Variants in FSTL5 observed in about 807,000 individuals in gnomAD.
FSTL5 encodes follistatin like 5, also known as follistatin-related protein 5.
A neutral mutation model predicts 89.1 loss-of-function variants in FSTL5; 62 were observed. The observed-to-expected ratio is 0.70, with a 90% CI of 0.57 to 0.86. The LOEUF (loss-of-function observed/expected upper bound fraction) is 0.86, where lower values mean the gene tolerates loss of function less well. Among genes scored for constraint, FSTL5 ranks in the 40% least tolerant of loss-of-function variants. The pLI, the probability that FSTL5 is intolerant of heterozygous loss-of-function variation, is 0.00. For missense variants in FSTL5, 1,057 were observed against 1,001.6 expected (o/e 1.06, Z -0.75); for synonymous variants, 383 against 346.2 (o/e 1.11, Z -1.18).
chr4:161,757,093 G>A (rs1304405654), intron 6 of FSTL5, among the ~76,000 whole-genome samples: 1 of 151,996 alleles, frequency 6.6e-6, no homozygotes, highest in Admixed American at 6.6e-5. Flanking sequence ...TAATGCAGTT[G>A]GGCCAGGTTT....
At chr4:161,925,692 A>G (rs1020638641) in intron 3 of FSTL5, among the ~76,000 whole-genome samples, 1 of 151,874 alleles carries the variant, frequency 6.6e-6, no homozygotes, top group Non-Finnish European at 1.5e-5. Context: ...TGTATTCATT[A>G]CTGTTATTAA....
At chr4:161,547,665 G>A (rs1156348928) in intron 8 of FSTL5, among the ~76,000 whole-genome samples, 4 of 151,868 alleles carry the variant, frequency 2.6e-5, no homozygotes, top group Admixed American at 1.3e-4. Context: ...CATATTAACA[G>A]TTTAAAGAAG....
intron 2 of FSTL5, among the ~76,000 whole-genome samples, chr4:162,063,384 C>G (rs913130910): frequency 6.6e-6 from 1 of 151,700 alleles, no homozygotes; most frequent in African/African-American, 2.4e-5. Context: ...AACAGTGATT[C>G]GATTTTAATT....
chr4:162,127,169 C>G (rs1318443179), intron 1 of FSTL5, among the ~76,000 whole-genome samples: 2 of 152,184 alleles, frequency 1.3e-5, no homozygotes, highest in African/African-American at 2.4e-5. Flanking sequence ...CCCATTTTCC[C>G]CAAAGAGCTA....
intron 5 of FSTL5, among the ~76,000 whole-genome samples, chr4:161,771,237 TTATCTC>T (rs907138506): frequency 2.0e-5 from 3 of 152,188 alleles, no homozygotes; most frequent in South Asian, 2.1e-4. Context: ...TGCCTTCCCT[TTATCTC>T]TATTATAATC....
chr4:161,386,932 G>A (rs1730670455), intron 15 of FSTL5: 1 of 155,426 alleles, frequency 6.4e-6, no homozygotes, highest in South Asian at 1.9e-4. Flanking sequence ...ATAAATTTAA[G>A]TATAACATTT....
chr4:161,405,704 C>T (rs986550616), intron 15 of FSTL5, among the ~76,000 whole-genome samples: 2 of 151,992 alleles, frequency 1.3e-5, no homozygotes, highest in African/African-American at 4.8e-5. Context: ...TTTAAACATT[C>T]CAAGAAGAAT....
intron 2 of FSTL5, among the ~76,000 whole-genome samples, chr4:162,095,400 C>A (rs1730711046): frequency 6.6e-6 from 1 of 152,108 alleles, no homozygotes; most frequent in African/African-American, 2.4e-5. Flanking sequence ...TGGATTTCCA[C>A]AGAAGCATAA....
At chr4:161,911,627 G>A (rs527988589) in intron 4 of FSTL5, among the ~76,000 whole-genome samples, 1 of 152,286 alleles carries the variant, frequency 6.6e-6, no homozygotes, top group Non-Finnish European at 1.5e-5. Flanking sequence ...TAGAGCTTCT[G>A]CTGACCACAT....
At chr4:161,519,890 G>A (rs1730966766) in intron 10 of FSTL5, among the ~76,000 whole-genome samples, 1 of 152,034 alleles carries the variant, frequency 6.6e-6, no homozygotes, top group South Asian at 2.1e-4. Context: ...ATACCATAGG[G>A]AGAAGACAAT....
At chr4:161,868,326 A>G (rs1814060) in intron 4 of FSTL5, among the ~76,000 whole-genome samples, 6,012 of 152,202 alleles carry the variant, frequency 0.04, 189 homozygotes, top group East Asian at 0.15. Flanking sequence ...CTAATCAAAT[A>G]GCCAAGACAA....
At chr4:161,837,688 G>A (rs1397059986) in intron 4 of FSTL5, among the ~76,000 whole-genome samples, 1 of 152,002 alleles carries the variant, frequency 6.6e-6, no homozygotes, top group Admixed American at 6.6e-5. Context: ...TCCAATTATA[G>A]AAGAAACCCT....
At chr4:162,057,437 C>A (rs1270162658) in intron 2 of FSTL5, among the ~76,000 whole-genome samples, 1 of 152,226 alleles carries the variant, frequency 6.6e-6, no homozygotes, top group Middle Eastern at 3.4e-3. Flanking sequence ...GGTATTTTAA[C>A]AGATTTAAGA....
chr4:162,111,223 G>T, intron 2 of FSTL5, 48 bp downstream of exon 2: 1 of 1,449,480 alleles, frequency 6.9e-7, no homozygotes, highest in Non-Finnish European at 9.3e-7. Flanking sequence ...TAATAGCTTA[G>T]TTTATAATTG....
rs118165531 is a variant in FSTL5, at chr4:161,696,913, T to C, written c.728-40419A>G. Reference sequence around the variant, plus strand: ...TCAGCAAACAACAACTGTTTGACTTTTTCTTTACCGATTAGGATGCCCTTT... The same window carrying C: ...TCAGCAAACAACAACTGTTTGACTTCTTCTTTACCGATTAGGATGCCCTTT... On this transcript the variant is annotated intron_variant, in intron 6 of 15. Coordinates refer to ENST00000306100, the MANE Select transcript of FSTL5 (RefSeq NM_020116.5). Among the ~76,000 whole-genome samples the C allele has an allele frequency of 6.0e-3, 918 of 152,326 alleles. 13 individuals are homozygous for C. Among genetic ancestry groups the C allele is most frequent in the South Asian group, 0.047 (229 of 4,822 alleles).
rs572934034 is a variant in FSTL5 at position 161,673,676 on chromosome 4, T to A, written c.728-17182A>T. 3.7e-4 allele frequency among the ~76,000 whole-genome samples: 56 copies of A among 152,152 alleles called. No individual in the cohort carries two copies. In the East Asian group the frequency reaches 0.011, roughly 29 times the overall value. On this transcript the variant is annotated intron_variant, in intron 6 of 15. Coordinates refer to ENST00000306100, the MANE Select transcript of FSTL5 (RefSeq NM_020116.5). ...ATGTTAACAAAGTATAGTTCTAGTG[T>A]CAAATGTCACTATTTTTATATTTAA...
intron 2 of FSTL5, among the ~76,000 whole-genome samples, chr4:162,039,369 T>G (rs1195714619): frequency 1.3e-5 from 2 of 152,010 alleles, no homozygotes; most frequent in East Asian, 1.9e-4. Context: ...AAAAAACATA[T>G]AGTAAGACGA....
intron 6 of FSTL5, among the ~76,000 whole-genome samples, chr4:161,721,314 C>G (rs1285011373): frequency 4.9e-5 from 6 of 121,274 alleles, no homozygotes; most frequent in Middle Eastern, 4.5e-3. Flanking sequence ...AAAAATTTTT[C>G]TAAGAAGGTA....
At chr4:161,805,166 G>A (rs1314754710) in intron 4 of FSTL5, among the ~76,000 whole-genome samples, 4 of 151,874 alleles carry the variant, frequency 2.6e-5, no homozygotes, top group Non-Finnish European at 5.9e-5. Flanking sequence ...TTATACCGAG[G>A]GCATTCCTGA....
Sources: allele counts gnomAD v4.1 joint callset (sites outside exome capture counted in the v4.1 genomes callset), GRCh38; gene constraint gnomAD v4.1.1; transcripts MANE v1.5; gene names NCBI Gene and HGNC (gene_info 2026-07-23, HGNC 2026-07-21).